The following GRK3 variants were observed in gnomAD, a reference collection of about 807,000 sequenced individuals.
The protein encoded by GRK3 is G protein-coupled receptor kinase 3.
Under a neutral mutation model 95.7 loss-of-function variants are expected in GRK3, and 54 were observed. The observed-to-expected ratio is 0.56, with a 90% CI of 0.45 to 0.71. The LOEUF is 0.71. Among genes scored for constraint, GRK3 ranks in the 30% least tolerant of loss-of-function variants. The probability of loss-of-function intolerance (pLI) is 0.00; values close to 1 mark genes in which losing one functional copy is unlikely to be tolerated. For synonymous variants in GRK3, 281 were observed against 290.8 expected (o/e 0.97, Z 0.34); for missense variants, 649 against 851.2 (o/e 0.76, Z 2.96).
At chr22:25,621,773 T>A (rs2146358349) in intron 2 of GRK3, among the ~76,000 whole-genome samples, 1 of 152,314 alleles carries the variant, frequency 6.6e-6, no homozygotes, top group African/African-American at 2.4e-5. Flanking sequence ...CAAATACCTG[T>A]GAGTTGGGTG....
Position 25,564,950 on chromosome 22 carries a change from C to T in GRK3, c.-91C>T, listed in dbSNP as rs942032273. The T allele has an allele frequency of 2.8e-4, 75 of 264,574 alleles. No homozygotes were observed. Among genetic ancestry groups the T allele is most frequent in the Non-Finnish European group, 4.4e-4 (72 of 163,760 alleles). 16.4% of individuals were successfully genotyped at this position (264,574 alleles called of 1,614,324 possible). ...GGGGGGGCTGCCCCGGGGCGGCCCCCCCAGGTCGGGGCGCGGCGGGCGGCG... is the reference window on the plus strand; with the variant it reads ...GGGGGGGCTGCCCCGGGGCGGCCCCTCCAGGTCGGGGCGCGGCGGGCGGCG... On this transcript the variant is annotated 5_prime_UTR_variant, in exon 1 of 21. Coordinates refer to ENST00000324198, the MANE Select transcript of GRK3 (RefSeq NM_005160.4).
chr22:25,717,647 C>A (rs977116320), intron 18 of GRK3, among the ~76,000 whole-genome samples: 1 of 152,146 alleles, frequency 6.6e-6, no homozygotes, highest in Non-Finnish European at 1.5e-5. Flanking sequence ...TTAACCTTTT[C>A]TTTTTTTAAG....
intron 6 of GRK3, 51 bp from the exon 7 acceptor site, chr22:25,672,245 T>A: frequency 1.1e-6 from 1 of 911,382 alleles, no homozygotes; most frequent in Non-Finnish European, 1.7e-6. Context: ...GTTTTGTAAA[T>A]CCAGTTAATT....
At chr22:25,648,165 G>A (rs1019689333) in intron 3 of GRK3, 16 of 681,830 alleles carry the variant, frequency 2.3e-5, no homozygotes, top group African/African-American at 1.6e-4. Context: ...ACGAGAGAGC[G>A]AAACTACTAA....
intron 1 of GRK3, among the ~76,000 whole-genome samples, chr22:25,585,270 T>C (rs2020193): frequency 6.7e-6 from 1 of 149,894 alleles, no homozygotes; most frequent in South Asian, 2.1e-4. Flanking sequence ...TCCATTGGCG[T>C]GTGCTAGGAC....
chr22:25,602,593 G>A (rs2084416685), intron 1 of GRK3, among the ~76,000 whole-genome samples: 2 of 152,112 alleles, frequency 1.3e-5, no homozygotes. Flanking sequence ...AACAAATTGT[G>A]GAATATTCAT....
chr22:25,624,202 C>T (rs1010602319), intron 2 of GRK3, among the ~76,000 whole-genome samples: 9 of 152,120 alleles, frequency 5.9e-5, no homozygotes, highest in African/African-American at 1.7e-4. Context: ...AGTCTGTCTC[C>T]CTCTGTGGAA....
chr22:25,651,950 T>G (rs1366199696), intron 3 of GRK3, among the ~76,000 whole-genome samples: 2 of 152,184 alleles, frequency 1.3e-5, no homozygotes, highest in Non-Finnish European at 2.9e-5. Flanking sequence ...CTTTTTAAAA[T>G]GAATAATGGC....
chr22:25,583,255 G>T (rs1015548767), intron 1 of GRK3, among the ~76,000 whole-genome samples: 1 of 152,018 alleles, frequency 6.6e-6, no homozygotes, highest in Non-Finnish European at 1.5e-5. Context: ...AAAGATGGAC[G>T]TTAATTTCAT....
intron 1 of GRK3, among the ~76,000 whole-genome samples, chr22:25,596,708 CTTCA>C (rs1171687265): frequency 6.6e-6 from 1 of 152,158 alleles, no homozygotes; most frequent in Non-Finnish European, 1.5e-5. Flanking sequence ...AACCCTTCCT[CTTCA>C]TTCATATCTT....
chr22:25,721,270 G>T lies in GRK3; in HGVS notation c.1792-14G>T. The T allele has an allele frequency of 7.1e-7, 1 of 1,409,792 alleles. No homozygotes were observed. Among genetic ancestry groups the T allele is most frequent in the African/African-American group, 1.5e-5 (1 of 68,538 alleles). 87.3% of individuals were successfully genotyped at this position (1,409,792 alleles called of 1,614,324 possible). On this transcript the variant is annotated splice_polypyrimidine_tract_variant and intron_variant, in intron 19 of 20. Transcript: ENST00000324198. The stretch of plus-strand genomic sequence containing the variant: ...AAAATAATTTGAATTTTAAATTTCT[G>T]TTTTTATGGTTAGCAAAATTTACTG...
At chr22:25,672,375 T>A (rs772648348) in intron 7 of GRK3, 28 bp downstream of exon 7, 2 of 1,260,688 alleles carry the variant, frequency 1.6e-6, no homozygotes, top group Admixed American at 4.2e-5. Flanking sequence ...CTTTTTTCAT[T>A]TTTTAAATAA....
At chr22:25,691,991 T>C (rs2146439980) in intron 12 of GRK3, among the ~76,000 whole-genome samples, 1 of 152,062 alleles carries the variant, frequency 6.6e-6, no homozygotes, top group East Asian at 1.9e-4. Flanking sequence ...TGAGACAGGG[T>C]CTTGCTCTGT....
chr22:25,694,226 A>G (rs1225648929), intron 12 of GRK3, among the ~76,000 whole-genome samples: 1 of 152,140 alleles, frequency 6.6e-6, no homozygotes, highest in Non-Finnish European at 1.5e-5. Flanking sequence ...CTGATTACCC[A>G]TTTTACTGAT....
At chr22:25,717,689 G>A (rs191104716) in intron 18 of GRK3, among the ~76,000 whole-genome samples, 14 of 152,122 alleles carry the variant, frequency 9.2e-5, no homozygotes, top group African/African-American at 3.4e-4. Flanking sequence ...AATGTAATCA[G>A]GACTCAACAA....
chr22:25,620,381 C>T (rs569569933), intron 2 of GRK3, among the ~76,000 whole-genome samples: 2 of 152,214 alleles, frequency 1.3e-5, no homozygotes, highest in Admixed American at 6.5e-5. Context: ...TTGCCAGGAA[C>T]ATGTTGGGCA....
chr22:25,702,643 G>A (rs531736982), intron 13 of GRK3, among the ~76,000 whole-genome samples: 86 of 152,352 alleles, frequency 5.6e-4, no homozygotes, highest in Admixed American at 2.5e-3. Flanking sequence ...ACATGAGAGT[G>A]AGAATAATCT....
At chr22:25,663,063 C>G (rs11913984) in intron 4 of GRK3, among the ~76,000 whole-genome samples, 28,256 of 151,982 alleles carry the variant, frequency 0.19, 5,207 homozygotes, top group African/African-American at 0.48. Context: ...GAAATTTTAT[C>G]TTTTTACAAC....
At chr22:25,605,370 C>T (rs989242107) in intron 2 of GRK3, among the ~76,000 whole-genome samples, 1 of 152,166 alleles carries the variant, frequency 6.6e-6, no homozygotes, top group Admixed American at 6.5e-5. Flanking sequence ...TTTGTTAGTT[C>T]TTACGGCTTC....
Sources: gnomAD v4.1 joint callset for allele counts (sites outside exome capture counted in the v4.1 genomes callset) on GRCh38, gnomAD v4.1.1 for gene constraint, MANE v1.5 for transcripts, NCBI Gene and HGNC (gene_info 2026-07-23, HGNC 2026-07-21) for gene names.